SPTLC2: variants seen among roughly 807,000 people sequenced by gnomAD.
The protein encoded by SPTLC2 is serine palmitoyltransferase long chain base subunit 2.
In SPTLC2, 21 loss-of-function variants were observed where a neutral mutation model predicts 62.0. The observed-to-expected ratio is 0.34, with a 90% CI of 0.24 to 0.49. The LOEUF (loss-of-function observed/expected upper bound fraction) is 0.49. SPTLC2 is among the 20% of genes least tolerant of loss of function. The pLI is 0.99. For missense variants in SPTLC2, 511 were observed against 713.0 expected (o/e 0.72, Z 3.23); for synonymous variants, 261 against 261.8 (o/e 1.00, Z 0.03).
At chr14:77,547,443 C>G (rs1361391919) in intron 9 of SPTLC2, 1 of 152,320 alleles carries the variant, frequency 6.6e-6, no homozygotes, top group African/African-American at 2.4e-5. Flanking sequence ...AAGCTGTCAG[C>G]CCTGAAGACA....
At chr14:77,513,620 G>A (rs2178874) in intron 11 of SPTLC2, among the ~76,000 whole-genome samples, 3,917 of 152,222 alleles carry the variant, frequency 0.026, 147 homozygotes, top group African/African-American at 0.09. Context: ...CTGGCCGGGC[G>A]CGGTGGCTCA....
At chr14:77,579,481 G>A (rs936737415) in intron 2 of SPTLC2, among the ~76,000 whole-genome samples, 4 of 152,190 alleles carry the variant, frequency 2.6e-5, no homozygotes, top group Non-Finnish European at 5.9e-5. Flanking sequence ...AGGCTTGGTG[G>A]CTCACGTCTG....
chr14:77,611,328 TG>T (rs2079935769), intron 1 of SPTLC2, among the ~76,000 whole-genome samples: 1 of 150,430 alleles, frequency 6.6e-6, no homozygotes, highest in African/African-American at 2.4e-5. Context: ...CCCACTGTAG[TG>T]GTGCACACCT....
At position 77,531,420 on chromosome 14, in the gene SPTLC2, T is replaced by TTCCTTC. The variant is rs765804012; in HGVS notation, c.1304-9840_1304-9839insGAAGGA. ...GTTATTTCTTCACAGGGACCATGACTTTCTTCTTCTTCTTCTTCTTCTTCT... is the reference window on the plus strand; with the variant it reads ...GTTATTTCTTCACAGGGACCATGACTTCCTTCTTCTTCTTCTTCTTCTTCTTCTTCT... On this transcript the variant is annotated intron_variant, in intron 9 of 11. Transcript: ENST00000216484. 4.6e-5 allele frequency among the ~76,000 whole-genome samples: 6 copies of TTCCTTC among 129,752 alleles called. No individual in the cohort carries two copies. The East Asian group carries it at 1.2e-3, about 26-fold the overall frequency. 85.1% of individuals were successfully genotyped at this position (129,752 alleles called of 152,430 possible). A position where few individuals can be genotyped will look rare whatever the true frequency, so the allele number is the denominator to read the frequency against.
In SPTLC2 at chr14:77,509,603, C is replaced by T. The variant is rs573245418; in HGVS notation, c.*2681G>A. On this transcript the variant is annotated 3_prime_UTR_variant, in exon 12 of 12. Coordinates refer to ENST00000216484, the MANE Select transcript of SPTLC2 (RefSeq NM_004863.4). ...AGGCCGTGTTAAACTGTGTAAGAAA[C>T]TACTCTTGTATGCCTCAAATCGACT... The T allele has an allele frequency of 6.5e-6, 2 of 306,498 alleles. No homozygotes were observed. The highest frequency in any genetic ancestry group is 2.1e-5 in the African/African-American group (1 of 46,902). 19.0% of individuals were successfully genotyped at this position (306,498 alleles called of 1,614,324 possible).
At chr14:77,607,083 G>GT (rs1566794133) in intron 1 of SPTLC2, among the ~76,000 whole-genome samples, 1 of 151,110 alleles carries the variant, frequency 6.6e-6, no homozygotes, top group African/African-American at 2.5e-5. Flanking sequence ...TTGTTTGTTT[G>GT]TTTTTTTAAG....
chr14:77,565,837 T>C (rs1430596057), intron 5 of SPTLC2, among the ~76,000 whole-genome samples: 1 of 152,202 alleles, frequency 6.6e-6, no homozygotes, highest in African/African-American at 2.4e-5. Flanking sequence ...AGTTCCACTG[T>C]TATGCAAGAT....
intron 9 of SPTLC2, among the ~76,000 whole-genome samples, chr14:77,530,530 C>T (rs555166750): frequency 6.6e-6 from 1 of 151,968 alleles, no homozygotes; most frequent in East Asian, 1.9e-4. Context: ...GGTTTCACCA[C>T]GTTGGCCAGG....
At chr14:77,605,416 G>C (rs1168354924) in intron 1 of SPTLC2, among the ~76,000 whole-genome samples, 1 of 152,138 alleles carries the variant, frequency 6.6e-6, no homozygotes. Context: ...TGCTTTCACA[G>C]TAACAACTAG....
intron 9 of SPTLC2, among the ~76,000 whole-genome samples, chr14:77,548,178 G>T (rs1465326942): frequency 6.6e-6 from 1 of 152,004 alleles, no homozygotes; most frequent in Non-Finnish European, 1.5e-5. Flanking sequence ...TAGTTAATTT[G>T]GTTCCATAAT....
At chr14:77,516,352 G>A (rs2079359858) in intron 11 of SPTLC2, among the ~76,000 whole-genome samples, 1 of 152,194 alleles carries the variant, frequency 6.6e-6, no homozygotes, top group Non-Finnish European at 1.5e-5. Flanking sequence ...TTTCATGAAT[G>A]TGTACAGTTC....
intron 9 of SPTLC2, among the ~76,000 whole-genome samples, chr14:77,548,345 G>C (rs1001705336): frequency 9.2e-5 from 14 of 152,068 alleles, no homozygotes; most frequent in Admixed American, 1.3e-4. Flanking sequence ...ACTAAGCTGG[G>C]TGCTATGCAT....
intron 1 of SPTLC2, among the ~76,000 whole-genome samples, chr14:77,599,887 C>CT (rs1394298471): frequency 6.6e-6 from 1 of 152,174 alleles, no homozygotes; most frequent in Non-Finnish European, 1.5e-5. Context: ...CTGATCATCT[C>CT]TTTAAGAACT....
rs945214209 is a variant in SPTLC2 at position 77,519,489 on chromosome 14, G to T, written c.1440-1322C>A. Reference sequence around the variant, plus strand: ...CCCAGCACTTTGGGAGGCCGAGGCGGGCAGATCACCTGAGGTCAGGAGTTG... The same window carrying T: ...CCCAGCACTTTGGGAGGCCGAGGCGTGCAGATCACCTGAGGTCAGGAGTTG... On this transcript the variant is annotated intron_variant, in intron 10 of 11. Transcript: ENST00000216484. Among the ~76,000 whole-genome samples, 56 of 152,046 alleles carry T rather than the reference G, an allele frequency of 3.7e-4. 1 individual carries two copies. Among genetic ancestry groups the T allele is most frequent in the Non-Finnish European group, 2.9e-5 (2 of 67,984 alleles).
At position 77,508,760 on chromosome 14, in the gene SPTLC2, T is replaced by G. The variant is rs1063270; in HGVS notation, c.*3524A>C. The G allele has an allele frequency of 0.76, 115,654 of 152,048 alleles. 45,371 individuals are homozygous for G. Among genetic ancestry groups the G allele is most frequent in the East Asian group, 0.97 (5,034 of 5,174 alleles). 9.4% of individuals were successfully genotyped at this position (152,048 alleles called of 1,614,324 possible). On this transcript the variant is annotated 3_prime_UTR_variant, in exon 12 of 12. Coordinates refer to ENST00000216484, the MANE Select transcript of SPTLC2 (RefSeq NM_004863.4). ...TAATGAAGAAATTTGAAAAAAAATTTTTTTTAAAAGCCAAAGGAGCTAGCT... is the reference window on the plus strand; with the variant it reads ...TAATGAAGAAATTTGAAAAAAAATTGTTTTTAAAAGCCAAAGGAGCTAGCT...
chr14:77,588,996 C>CAAAAAAAAAAAAAAAA, intron 2 of SPTLC2, among the ~76,000 whole-genome samples: 1 of 74,614 alleles, frequency 1.3e-5, no homozygotes, highest in South Asian at 5.2e-4. Context: ...GACCTTGTCT[C>CAAAAAAAAAAAAAAAA]AAAAAAAAAA....
chr14:77,597,198 T>C lies in SPTLC2; in HGVS notation c.315A>G (p.Arg105=). The change falls in exon 2 of 12, where the codon AGA becomes AGG. Residue 105 remains arginine, a synonymous_variant. Coordinates refer to ENST00000216484, the MANE Select transcript of SPTLC2 (RefSeq NM_004863.4). The part of the protein sequence containing the change: ...RIEKCHHATE[R]EEQKDFVSLY... ...CTCTAACAGTTACCTTTTGTTCTTC[T>C]CTTTCTGTTGCATGGTGACACTTTT... The C allele has an allele frequency of 6.2e-7, 1 of 1,614,170 alleles. No homozygotes were observed. The highest frequency in any genetic ancestry group is 8.5e-7 in the Non-Finnish European group (1 of 1,179,996).
chr14:77,520,020 C>A (rs900690944), intron 10 of SPTLC2, among the ~76,000 whole-genome samples: 2 of 151,922 alleles, frequency 1.3e-5, no homozygotes, highest in African/African-American at 4.8e-5. Context: ...GAGTTGTTTT[C>A]CTTATATTTA....
chr14:77,551,954 A>G, intron 9 of SPTLC2, 142 bp downstream of exon 9: 1 of 1,279,088 alleles, frequency 7.8e-7, no homozygotes, highest in Non-Finnish European at 1.1e-6. Flanking sequence ...ACACACTAAA[A>G]AAGTGTCCAT....
Sources: gnomAD v4.1 joint callset for allele counts (sites outside exome capture counted in the v4.1 genomes callset) on GRCh38, gnomAD v4.1.1 for gene constraint, MANE v1.5 for transcripts, NCBI Gene and HGNC (gene_info 2026-07-23, HGNC 2026-07-21) for gene names.